MAP3K13: variants seen among roughly 807,000 people sequenced by gnomAD.
MAP3K13 encodes leucine zipper-bearing kinase.
Under a neutral mutation model 104.0 loss-of-function variants are expected in MAP3K13, and 52 were observed. That is an observed-to-expected ratio of 0.50 (90% CI 0.40 to 0.63). The LOEUF (loss-of-function observed/expected upper bound fraction) is 0.63. MAP3K13 is among the 20% of genes least tolerant of loss of function. The probability of loss-of-function intolerance (pLI) is 0.00; values close to 1 mark genes in which losing one functional copy is unlikely to be tolerated. For synonymous variants in MAP3K13, 394 were observed against 442.2 expected, an observed-to-expected ratio of 0.89 and a Z score of 1.37; for missense variants, 914 against 1,218.5, an observed-to-expected ratio of 0.75 and a Z score of 3.72.
At chr3:185,427,970 T>C (rs1294149692) in intron 1 of MAP3K13, among the ~76,000 whole-genome samples, 2 of 151,818 alleles carry the variant, frequency 1.3e-5, no homozygotes, top group East Asian at 3.9e-4. Context: ...TCCCAGCTAC[T>C]TGGGAGGCTG....
At chr3:185,389,248 C>T (rs1027992186) in intron 1 of MAP3K13, among the ~76,000 whole-genome samples, 1 of 152,130 alleles carries the variant, frequency 6.6e-6, no homozygotes, top group African/African-American at 2.4e-5. Context: ...CCCATTCTTT[C>T]AAAGGGGTTA....
chr3:185,459,039 T>A (rs551612993), intron 7 of MAP3K13, among the ~76,000 whole-genome samples: 27 of 152,304 alleles, frequency 1.8e-4, no homozygotes, highest in Non-Finnish European at 3.7e-4. Flanking sequence ...AGGTGGATCG[T>A]GTGCCTGGCT....
chr3:185,454,639 GAT>G lies in MAP3K13; in HGVS notation c.1278+3253_1278+3254del, dbSNP rs1431478279. 2.2e-3 allele frequency among the ~76,000 whole-genome samples: 25 copies of G among 11,222 alleles called. 7 individuals are homozygous for G. Among genetic ancestry groups the G allele is most frequent in the South Asian group, 6.3e-3 (2 of 318 alleles). 7.4% of individuals were successfully genotyped at this position (11,222 alleles called of 152,430 possible). ...ATATATATATGAGATATATATATGA[GAT>G]ATATATATGATATATATATGATATA... On this transcript the variant is annotated intron_variant, in intron 7 of 13. Transcript: ENST00000265026.
intron 1 of MAP3K13, among the ~76,000 whole-genome samples, chr3:185,409,755 A>T (rs1713323656): frequency 6.6e-6 from 1 of 152,234 alleles, no homozygotes; most frequent in Non-Finnish European, 1.5e-5. Context: ...AGAAGAATGG[A>T]TAAAGAAAAT....
rs111348787 is a variant in MAP3K13 at position 185,447,982 on chromosome 3, C to A, written c.1010+35C>A. ...GCCACCAGTTGTGCCAACTAAAAAG[C>A]CTTTTCCCACTTTCGCCCTATTAGC... is the stretch of plus-strand genomic sequence containing the variant. On this transcript the variant is annotated intron_variant, in intron 5 of 13. Coordinates refer to ENST00000265026, the MANE Select transcript of MAP3K13 (RefSeq NM_004721.5). 1,093 of 1,586,032 alleles carry A rather than the reference C, an allele frequency of 6.9e-4. 6 individuals are homozygous for A. In the African/African-American group the frequency reaches 0.012, roughly 18 times the overall value.
intron 2 of MAP3K13, among the ~76,000 whole-genome samples, chr3:185,329,431 G>A (rs931480117): frequency 6.6e-6 from 1 of 152,170 alleles, no homozygotes; most frequent in African/African-American, 2.4e-5. Context: ...TTAAAAGAAT[G>A]AGAATAAAGT....
intron 2 of MAP3K13, among the ~76,000 whole-genome samples, chr3:185,355,200 G>A (rs892014775): frequency 1.3e-5 from 2 of 152,130 alleles, no homozygotes; most frequent in African/African-American, 4.8e-5. Context: ...GGCCGGGCAC[G>A]GTGGTTCATG....
At chr3:185,382,591 G>A (rs1280523484) in intron 1 of MAP3K13, among the ~76,000 whole-genome samples, 1 of 152,150 alleles carries the variant, frequency 6.6e-6, no homozygotes, top group Non-Finnish European at 1.5e-5. Flanking sequence ...TGGAGGTGAG[G>A]CCTAGTGGGA....
intron 2 of MAP3K13, chr3:185,291,877 A>G: frequency 8.3e-6 from 10 of 1,200,520 alleles, no homozygotes; most frequent in African/African-American, 1.6e-5. Context: ...GTTCCTTTAG[A>G]CTAGAGCCAA....
At chr3:185,417,557 C>T in intron 1 of MAP3K13, 1 of 1,611,336 alleles carries the variant, frequency 6.2e-7, no homozygotes. Context: ...TTTTCAGGGG[C>T]TGGTTTCTTG....
At chr3:185,374,542 GAGA>G (rs1225845543) in intron 1 of MAP3K13, among the ~76,000 whole-genome samples, 2 of 152,198 alleles carry the variant, frequency 1.3e-5, no homozygotes, top group East Asian at 3.8e-4. Context: ...GTCCGAATAA[GAGA>G]AGGAGAAAAA....
At chr3:185,345,999 C>T (rs983572540) in intron 2 of MAP3K13, among the ~76,000 whole-genome samples, 2 of 151,990 alleles carry the variant, frequency 1.3e-5, no homozygotes, top group African/African-American at 2.4e-5. Context: ...TTTGTTTTAC[C>T]TCACATACCT....
At chr3:185,374,789 C>T (rs1344339828) in intron 1 of MAP3K13, among the ~76,000 whole-genome samples, 2 of 151,528 alleles carry the variant, frequency 1.3e-5, no homozygotes, top group African/African-American at 4.9e-5. Context: ...AAGTCAATAC[C>T]TTGGTGATTT....
rs529955086 is a variant in MAP3K13, at chr3:185,330,825, G to A, written c.-86+45182G>A. 2.6e-5 allele frequency among the ~76,000 whole-genome samples: 4 copies of A among 152,248 alleles called. No individual in the cohort carries two copies. In the South Asian group the frequency reaches 6.2e-4, roughly 24 times the overall value. Reference sequence around the variant, plus strand: ...CTCAGGATCTGGCTTTCAAGCATGTGTTTTACATCATTGCCTGCCATTGTT... The same window carrying A: ...CTCAGGATCTGGCTTTCAAGCATGTATTTTACATCATTGCCTGCCATTGTT... On this transcript the variant is annotated intron_variant, in intron 2 of 14. Transcript: ENST00000424227.
chr3:185,428,711 G>C lies in MAP3K13; in HGVS notation c.130G>C (p.Glu44Gln), dbSNP rs35266179. ...GAACCACCCTTCTCCCAAGCTGCTCGAGGACCAGCAGGAAAAGGGGATGGT... is the reference window on the plus strand; with the variant it reads ...GAACCACCCTTCTCCCAAGCTGCTCCAGGACCAGCAGGAAAAGGGGATGGT... ...MGNHPSPKLLEDQQEKGMVRT... is the reference protein window; with the variant it reads ...MGNHPSPKLLQDQQEKGMVRT... The change falls in exon 2 of 14, where the codon GAG (glutamate) becomes CAG (glutamine). Residue 44 changes from glutamate (E) to glutamine (Q), a missense_variant. Coordinates refer to ENST00000265026, the MANE Select transcript of MAP3K13 (RefSeq NM_004721.5). 6.2e-7 allele frequency: 1 copy of C among 1,614,150 alleles called. No individual in the cohort carries two copies. Among genetic ancestry groups the C allele is most frequent in the South Asian group, 1.1e-5 (1 of 91,080 alleles).
upstream of MAP3K13, among the ~76,000 whole-genome samples, chr3:185,360,179 C>A (rs6787268): frequency 0.73 from 110,247 of 152,038 alleles, 42,340 homozygotes; most frequent in Non-Finnish European, 0.86. Context: ...CCATGTGCTG[C>A]AATTAAAAAT....
intron 3 of MAP3K13, among the ~76,000 whole-genome samples, chr3:185,438,890 G>C (rs1715182587): frequency 6.6e-6 from 1 of 152,124 alleles, no homozygotes; most frequent in South Asian, 2.1e-4. Flanking sequence ...TATGTATTTT[G>C]CATTCCTGGA....
chr3:185,394,648 A>G (rs980671992), intron 1 of MAP3K13, among the ~76,000 whole-genome samples: 1 of 152,202 alleles, frequency 6.6e-6, no homozygotes. Context: ...GGGGAGTTAA[A>G]TTCCAACATC....
rs1039476625 is a variant in MAP3K13, at chr3:185,423,869, C to T, written c.-85-4628C>T. Reference sequence around the variant, plus strand: ...CCATCACGCACGCTCTGGTCATTCCCGCTTCCCTGCCTCTGCCAGTGCTCT... The same window carrying T: ...CCATCACGCACGCTCTGGTCATTCCTGCTTCCCTGCCTCTGCCAGTGCTCT... On this transcript the variant is annotated intron_variant, in intron 1 of 13. Coordinates refer to ENST00000265026, the MANE Select transcript of MAP3K13 (RefSeq NM_004721.5). This position sits in a 1 kb window ranked among gnomAD's most constrained non-coding sequence, Gnocchi z 4.1. Among the ~76,000 whole-genome samples, 18 of 152,132 alleles carry T rather than the reference C, an allele frequency of 1.2e-4. No homozygotes were observed. Among genetic ancestry groups the T allele is most frequent in the Non-Finnish European group, 1.8e-4 (12 of 68,012 alleles).
Sources: allele counts gnomAD v4.1 joint callset (sites outside exome capture counted in the v4.1 genomes callset), GRCh38; gene constraint gnomAD v4.1.1; non-coding constraint Gnocchi (gnomAD v3.1); transcripts MANE v1.5; gene names NCBI Gene and HGNC (gene_info 2026-07-23, HGNC 2026-07-21).